UNC5D: variants seen among roughly 807,000 people sequenced by gnomAD.
The protein encoded by UNC5D is unc-5 netrin receptor D, also known as netrin receptor UNC5D.
A neutral mutation model predicts 105.4 loss-of-function variants in UNC5D; 39 were observed. The observed-to-expected ratio is 0.37, with a 90% CI of 0.29 to 0.48. The LOEUF is 0.48. UNC5D is among the 20% of genes least tolerant of loss of function. The probability of loss-of-function intolerance (pLI) is 0.98; values close to 1 mark genes in which losing one functional copy is unlikely to be tolerated. For synonymous variants in UNC5D, 452 were observed against 450.4 expected (o/e 1.00, Z -0.04); for missense variants, 991 against 1,202.4 (o/e 0.82, Z 2.60).
chr8:35,445,079 T>G (rs1053060942), intron 1 of UNC5D, among the ~76,000 whole-genome samples: 1 of 152,014 alleles, frequency 6.6e-6, no homozygotes, highest in African/African-American at 2.4e-5. Flanking sequence ...CCAAGTGATG[T>G]GTACATCAGA....
intron 1 of UNC5D, among the ~76,000 whole-genome samples, chr8:35,514,539 G>A (rs962600105): frequency 6.6e-6 from 1 of 152,180 alleles, no homozygotes; most frequent in African/African-American, 2.4e-5. Context: ...TAGAAATTAG[G>A]TAACGATAGA....
intron 1 of UNC5D, among the ~76,000 whole-genome samples, chr8:35,305,589 C>CTCTTTCTTTCTTTCTCTTTCTTTCTTTCA (rs1554505737): frequency 1.3e-4 from 8 of 61,610 alleles, no homozygotes; most frequent in African/African-American, 5.8e-4. Context: ...TTCTTTCTTT[C>CTCTTTCTTTCTTTCTCTTTCTTTCTTTCA]TTTCTTTCTT....
chr8:35,668,303 G>A (rs1309386239), intron 4 of UNC5D, among the ~76,000 whole-genome samples: 1 of 151,958 alleles, frequency 6.6e-6, no homozygotes, highest in Non-Finnish European at 1.5e-5. Context: ...TACAGACCAG[G>A]CAGTACATAC....
rs11317897 is a variant in UNC5D at position 35,510,310 on chromosome 8, CAAA to C, written c.104-38962_104-38960del. On this transcript the variant is annotated intron_variant, in intron 1 of 16. Coordinates refer to ENST00000404895, the MANE Select transcript of UNC5D (RefSeq NM_080872.4). ...AGTTACCAGTCATCTTTTTTATATC[CAAA>C]AAAAAAAAAAAAAAAAAAACACTTT... Among the ~76,000 whole-genome samples the C allele has an allele frequency of 3.2e-3, 230 of 71,876 alleles. 1 individual carries two copies. The highest frequency in any genetic ancestry group is 9.2e-3 in the African/African-American group (208 of 22,562). The allele number at this position is 71,876 out of a possible 152,430, so 47.2% of individuals were successfully genotyped here.
At chr8:35,360,832 A>G (rs184271376) in intron 1 of UNC5D, among the ~76,000 whole-genome samples, 68 of 152,252 alleles carry the variant, frequency 4.5e-4, no homozygotes, top group African/African-American at 1.6e-3. Flanking sequence ...CACACATTGC[A>G]GCTACTGACA....
intron 1 of UNC5D, among the ~76,000 whole-genome samples, chr8:35,282,097 G>A (rs933735741): frequency 1.3e-5 from 2 of 152,182 alleles, no homozygotes; most frequent in African/African-American, 2.4e-5. Flanking sequence ...GCAGAAGCAG[G>A]AATTTGGTCT....
chr8:35,662,211 G>A (rs1051433672), intron 4 of UNC5D, among the ~76,000 whole-genome samples: 9 of 150,646 alleles, frequency 6.0e-5, no homozygotes, highest in South Asian at 2.1e-4. Context: ...AAAACTGTGC[G>A]TAGTGGTTTA....
intron 1 of UNC5D, among the ~76,000 whole-genome samples, chr8:35,377,019 G>A (rs1802737641): frequency 6.6e-6 from 1 of 152,096 alleles, no homozygotes; most frequent in Non-Finnish European, 1.5e-5. Context: ...ATTTCTCCTT[G>A]CATATTTAAT....
intron 1 of UNC5D, among the ~76,000 whole-genome samples, chr8:35,421,322 A>T (rs1805885100): frequency 1.3e-5 from 2 of 152,158 alleles, no homozygotes; most frequent in Non-Finnish European, 2.9e-5. Flanking sequence ...GTACCTGGAG[A>T]GCCAGTGGTG....
At chr8:35,643,385 C>T (rs1004565076) in intron 4 of UNC5D, among the ~76,000 whole-genome samples, 1 of 152,062 alleles carries the variant, frequency 6.6e-6, no homozygotes, top group East Asian at 1.9e-4. Flanking sequence ...TTGGTGATCT[C>T]GGCTTACTGC....
chr8:35,442,662 C>A (rs1807483522), intron 1 of UNC5D, among the ~76,000 whole-genome samples: 1 of 151,808 alleles, frequency 6.6e-6, no homozygotes, highest in Admixed American at 6.6e-5. Flanking sequence ...TCAAGCACAA[C>A]AAAATTCACC....
At chr8:35,421,044 A>G (rs1213571284) in intron 1 of UNC5D, among the ~76,000 whole-genome samples, 1 of 152,040 alleles carries the variant, frequency 6.6e-6, no homozygotes, top group Non-Finnish European at 1.5e-5. Flanking sequence ...CTTCTATTGA[A>G]TCCCTCTCCA....
intron 2 of UNC5D, among the ~76,000 whole-genome samples, chr8:35,562,541 T>A (rs547091644): frequency 6.6e-6 from 1 of 152,226 alleles, no homozygotes; most frequent in African/African-American, 2.4e-5. Flanking sequence ...TGGGGTGAGA[T>A]GTGGTTTTGA....
In UNC5D at chr8:35,735,132, A is replaced by C. The variant is rs552008770; in HGVS notation, c.1766+4036A>C. Among the ~76,000 whole-genome samples the C allele has an allele frequency of 1.2e-4, 18 of 152,268 alleles. No homozygotes were observed. The South Asian group carries it at 3.7e-3, about 32-fold the overall frequency. On this transcript the variant is annotated intron_variant, in intron 11 of 16. Transcript: ENST00000404895. ...ATTCAAACAGGATTAAAAAATCAAC[A>C]ATGTCATTTCAGAGATTCTTTTCAC...
chr8:35,759,211 T>A lies in UNC5D; in HGVS notation c.2164-109T>A, dbSNP rs1830646776. ...AAGTATGTTTCTCCTATGCTCTCTG[T>A]CCATTTGTGGAAGACACATGGTAGT... On this transcript the variant is annotated intron_variant, in intron 13 of 16. Coordinates refer to ENST00000404895, the MANE Select transcript of UNC5D (RefSeq NM_080872.4). The A allele has an allele frequency of 6.6e-6, 8 of 1,220,974 alleles. No individual in the cohort carries two copies. In the South Asian group the frequency reaches 1.1e-4, roughly 17 times the overall value. 75.6% of individuals were successfully genotyped at this position (1,220,974 alleles called of 1,614,324 possible).
At chr8:35,386,509 A>T (rs1803407992) in intron 1 of UNC5D, among the ~76,000 whole-genome samples, 1 of 152,186 alleles carries the variant, frequency 6.6e-6, no homozygotes, top group Non-Finnish European at 1.5e-5. Flanking sequence ...AGGGAAATCG[A>T]CTAAAAGCCT....
At chr8:35,640,470 C>G (rs1451555154) in intron 4 of UNC5D, among the ~76,000 whole-genome samples, 1 of 152,054 alleles carries the variant, frequency 6.6e-6, no homozygotes, top group African/African-American at 2.4e-5. Context: ...TATGATGTTA[C>G]GTAGACTGGG....
intron 1 of UNC5D, among the ~76,000 whole-genome samples, chr8:35,305,659 TTC>T (rs1808338584): frequency 1.3e-5 from 2 of 150,060 alleles, no homozygotes; most frequent in Admixed American, 6.7e-5. Flanking sequence ...TTTCTTTTCT[TTC>T]TCTTTTTCTT....
chr8:35,500,745 GA>G (rs1479853340), intron 1 of UNC5D, among the ~76,000 whole-genome samples: 1 of 152,184 alleles, frequency 6.6e-6, no homozygotes, highest in African/African-American at 2.4e-5. Flanking sequence ...ACGGCTGCGT[GA>G]TAAATGATTG....
Sources: gnomAD v4.1 joint callset for allele counts (sites outside exome capture counted in the v4.1 genomes callset) on GRCh38, gnomAD v4.1.1 for gene constraint, MANE v1.5 for transcripts, NCBI Gene and HGNC (gene_info 2026-07-23, HGNC 2026-07-21) for gene names.